CDH7: variants seen among roughly 807,000 people sequenced by gnomAD.
CDH7 encodes cadherin 7.
A neutral mutation model predicts 71.8 loss-of-function variants in CDH7; 25 were observed. That is an observed-to-expected ratio of 0.35 (90% CI 0.25 to 0.49). The LOEUF is 0.49. CDH7 is among the 20% of genes least tolerant of loss of function. The pLI, the probability that CDH7 is intolerant of heterozygous loss-of-function variation, is 0.99. For missense variants in CDH7, 862 were observed against 974.6 expected (o/e 0.88, Z 1.54); for synonymous variants, 381 against 363.8 (o/e 1.05, Z -0.54).
At chr18:65,868,837 G>T (rs1253624181) in intron 11 of CDH7, among the ~76,000 whole-genome samples, 4 of 152,160 alleles carry the variant, frequency 2.6e-5, no homozygotes, top group African/African-American at 7.2e-5. Context: ...TAAAGGAAAT[G>T]AATTTTGTGA....
intron 2 of CDH7, among the ~76,000 whole-genome samples, chr18:65,763,857 G>A (rs933761364): frequency 6.6e-6 from 1 of 152,048 alleles, no homozygotes; most frequent in African/African-American, 2.4e-5. Flanking sequence ...AGAAAGCATA[G>A]CCTTCTCTCT....
chr18:65,887,225 GTATAC>G lies in CDH7; in HGVS notation c.*6333_*6337del, dbSNP rs1179221625. ...TGTATATCAAGATCTGGAATATGTTGTATACTGTATATGACCAATACTTTAAGAAC... is the reference window on the plus strand; with the variant it reads ...TGTATATCAAGATCTGGAATATGTTGTGTATATGACCAATACTTTAAGAAC... On this transcript the variant is annotated 3_prime_UTR_variant, in exon 12 of 12. Coordinates refer to ENST00000397968, the MANE Select transcript of CDH7 (RefSeq NM_004361.5). 2 of 151,912 alleles carry G rather than the reference GTATAC, an allele frequency of 1.3e-5. No homozygotes were observed. The highest frequency in any genetic ancestry group is 6.6e-5 in the Admixed American group (1 of 15,250). 9.4% of individuals were successfully genotyped at this position (151,912 alleles called of 1,614,324 possible). A position where few individuals can be genotyped will look rare whatever the true frequency, so the allele number is the denominator to read the frequency against.
intron 6 of CDH7, among the ~76,000 whole-genome samples, chr18:65,841,963 T>A (rs1413513509): frequency 1.3e-5 from 2 of 152,214 alleles, no homozygotes; most frequent in Admixed American, 1.3e-4. Flanking sequence ...CAGTATTTTC[T>A]ATGTGTCCCA....
chr18:65,779,058 A>T (rs1910073922), intron 2 of CDH7, among the ~76,000 whole-genome samples: 1 of 141,038 alleles, frequency 7.1e-6, no homozygotes, highest in Middle Eastern at 3.9e-3. Context: ...ATGTGACAGG[A>T]GTCAAATCAC....
At chr18:65,843,528 A>G (rs911460040) in intron 6 of CDH7, among the ~76,000 whole-genome samples, 1 of 152,048 alleles carries the variant, frequency 6.6e-6, no homozygotes, top group Admixed American at 6.6e-5. Context: ...AATAAATTTG[A>G]CCAGTTTTTC....
intron 7 of CDH7, among the ~76,000 whole-genome samples, chr18:65,856,103 A>C (rs1289051545): frequency 6.6e-6 from 1 of 152,118 alleles, no homozygotes; most frequent in African/African-American, 2.4e-5. Flanking sequence ...CATGCCATGC[A>C]CATGCCATCA....
chr18:65,856,033 G>A lies in CDH7; in HGVS notation c.1236-1783G>A, dbSNP rs558987992. Among the ~76,000 whole-genome samples the A allele has an allele frequency of 1.1e-3, 169 of 151,976 alleles. 1 individual carries two copies. The Middle Eastern group carries it at 0.031, about 28-fold the overall frequency. On this transcript the variant is annotated intron_variant, in intron 7 of 11. Coordinates refer to ENST00000397968, the MANE Select transcript of CDH7 (RefSeq NM_004361.5). ...AATGGGGGAAGCTGGCTCTCCCGCC[G>A]TAAGGACACTCAGGCAGTGTTGTGG... is the stretch of plus-strand genomic sequence containing the variant.
Position 65,831,968 on chromosome 18 carries a change from C to A in CDH7, c.981+7137C>A, listed in dbSNP as rs772378699. Among the ~76,000 whole-genome samples, 74 of 152,156 alleles carry A rather than the reference C, an allele frequency of 4.9e-4. 1 individual carries two copies. The highest frequency in any genetic ancestry group is 9.3e-4 in the Non-Finnish European group (63 of 67,994). On this transcript the variant is annotated intron_variant, in intron 6 of 11. Transcript: ENST00000397968. ...CTCCGCATAAGAAAACATTTACAAC[C>A]AGACATTGCTCAGATGTTGACAAGA...
At chr18:65,813,897 T>C (rs994387893) in intron 3 of CDH7, among the ~76,000 whole-genome samples, 6 of 152,196 alleles carry the variant, frequency 3.9e-5, no homozygotes, top group Admixed American at 2.0e-4. Flanking sequence ...TGGTTTAAAT[T>C]TTCATTTCCT....
Position 65,780,568 on chromosome 18 carries a change from T to TC in CDH7, c.210+17520dup, listed in dbSNP as rs1021971601. Among the ~76,000 whole-genome samples, 14 of 141,042 alleles carry TC rather than the reference T, an allele frequency of 9.9e-5. 1 individual carries two copies. In the South Asian group the frequency reaches 1.5e-3, roughly 15 times the overall value. 92.5% of individuals were successfully genotyped at this position (141,042 alleles called of 152,430 possible). ...ACCATTTATTAAATAGGGAATCCTT[T>TC]CCCCATTGCTTGTTTTTCTCAGGTT... On this transcript the variant is annotated intron_variant, in intron 2 of 11. Coordinates refer to ENST00000397968, the MANE Select transcript of CDH7 (RefSeq NM_004361.5).
rs1356195557 is a variant in CDH7, at chr18:65,825,903, GTA to G, written c.981+1073_981+1074del. 3.5e-3 allele frequency among the ~76,000 whole-genome samples: 526 copies of G among 151,810 alleles called. 1 individual carries two copies. Among genetic ancestry groups the G allele is most frequent in the African/African-American group, 0.012 (494 of 41,536 alleles). On this transcript the variant is annotated intron_variant, in intron 6 of 11. Coordinates refer to ENST00000397968, the MANE Select transcript of CDH7 (RefSeq NM_004361.5). ...TGTTGCCTAAATTAAAAGGAATTCA[GTA>G]AGGTACAATGCTGCTCAAAGATTTC...
chr18:65,773,707 A>G (rs910043659), intron 2 of CDH7, among the ~76,000 whole-genome samples: 1 of 152,154 alleles, frequency 6.6e-6, no homozygotes, highest in African/African-American at 2.4e-5. Context: ...TGGTATGAAA[A>G]TGTATTTTTA....
intron 2 of CDH7, among the ~76,000 whole-genome samples, chr18:65,769,280 G>A (rs1268941087): frequency 6.6e-6 from 1 of 152,124 alleles, no homozygotes; most frequent in Non-Finnish European, 1.5e-5. Context: ...TATACTGAGA[G>A]AAGCTTTATA....
At chr18:65,818,123 A>G (rs561073674) in intron 4 of CDH7, among the ~76,000 whole-genome samples, 1 of 152,202 alleles carries the variant, frequency 6.6e-6, no homozygotes. Flanking sequence ...TTTTTAAAAT[A>G]TAATGCGGTA....
At chr18:65,785,475 T>C (rs1178747420) in intron 2 of CDH7, among the ~76,000 whole-genome samples, 1 of 152,148 alleles carries the variant, frequency 6.6e-6, no homozygotes, top group Non-Finnish European at 1.5e-5. Context: ...TCACATTCTT[T>C]AGCGTAGAGC....
At chr18:65,824,015 A>G (rs1346440751) in intron 5 of CDH7, among the ~76,000 whole-genome samples, 2 of 144,364 alleles carry the variant, frequency 1.4e-5, no homozygotes, top group Admixed American at 7.3e-5. Flanking sequence ...AAATTTTAGA[A>G]GTTATTTTTT....
chr18:65,835,015 G>A (rs1291218951), intron 6 of CDH7, among the ~76,000 whole-genome samples: 1 of 152,122 alleles, frequency 6.6e-6, no homozygotes, highest in Non-Finnish European at 1.5e-5. Flanking sequence ...CTGATCTTAA[G>A]TGGGCTCACA....
intron 11 of CDH7, among the ~76,000 whole-genome samples, chr18:65,875,620 C>T (rs1914051589): frequency 6.6e-6 from 1 of 152,122 alleles, no homozygotes; most frequent in Admixed American, 6.6e-5. Context: ...GGCGTGGTGG[C>T]TCACACCTGT....
At position 65,824,762 on chromosome 18, in the gene CDH7, T is replaced by C; in HGVS notation, c.912T>C (p.Gly304=). The stretch of plus-strand genomic sequence containing the variant: ...AAATGGAGTACAAGATTGTGGATGG[T>C]GATGGTTTGGGCATTTTTAAGATTT... ...NAEMEYKIVD[G]DGLGIFKISV... The change falls in exon 6 of 12, where the codon GGT becomes GGC. Residue 304 remains glycine (G), a synonymous_variant. Coordinates refer to ENST00000397968, the MANE Select transcript of CDH7 (RefSeq NM_004361.5). 1 of 1,612,550 alleles carries C rather than the reference T, an allele frequency of 6.2e-7. No homozygotes were observed. Among genetic ancestry groups the C allele is most frequent in the South Asian group, 1.1e-5 (1 of 91,018 alleles).
Sources: allele counts gnomAD v4.1 joint callset (sites outside exome capture counted in the v4.1 genomes callset), GRCh38; gene constraint gnomAD v4.1.1; transcripts MANE v1.5; gene names NCBI Gene and HGNC (gene_info 2026-07-23, HGNC 2026-07-21).